GALNTL6: variants seen among roughly 807,000 people sequenced by gnomAD.
The protein encoded by GALNTL6 is polypeptide N-acetylgalactosaminyltransferase like 6, also known as polypeptide N-acetylgalactosaminyltransferase-like 6.
A neutral mutation model predicts 73.7 loss-of-function variants in GALNTL6; 46 were observed. The ratio of observed to expected loss-of-function variants is 0.62; its 90% CI spans 0.49 to 0.80. The LOEUF is 0.80. Among genes scored for constraint, GALNTL6 ranks in the 30% least tolerant of loss-of-function variants. GALNTL6 has a pLI of 0.00. For missense variants in GALNTL6, 604 were observed against 755.0 expected (o/e 0.80, Z 2.34); for synonymous variants, 259 against 263.7 (o/e 0.98, Z 0.17).
At chr4:172,185,328 A>G (rs773254537) in intron 2 of GALNTL6, among the ~76,000 whole-genome samples, 8 of 152,194 alleles carry the variant, frequency 5.3e-5, no homozygotes, top group Non-Finnish European at 1.2e-4. Flanking sequence ...TCCAAAAAGG[A>G]TATTATTTCC....
intron 2 of GALNTL6, among the ~76,000 whole-genome samples, chr4:172,164,625 C>T (rs1488974062): frequency 6.6e-6 from 1 of 151,910 alleles, no homozygotes; most frequent in South Asian, 2.1e-4. Context: ...GATTTTTTCT[C>T]GTTTGATCCT....
chr4:172,500,239 A>G (rs932098622), intron 5 of GALNTL6, among the ~76,000 whole-genome samples: 1 of 152,072 alleles, frequency 6.6e-6, no homozygotes, highest in Non-Finnish European at 1.5e-5. Context: ...TGAGCAACAT[A>G]ATGAGACCTT....
intron 2 of GALNTL6, among the ~76,000 whole-genome samples, chr4:171,943,846 G>T (rs987804667): frequency 6.6e-6 from 1 of 151,960 alleles, no homozygotes; most frequent in Admixed American, 6.6e-5. Flanking sequence ...CTACGGGTAG[G>T]CTTTTTTTAA....
intron 9 of GALNTL6, among the ~76,000 whole-genome samples, chr4:172,936,162 A>G (rs1038418584): frequency 2.0e-5 from 3 of 152,252 alleles, no homozygotes; most frequent in Non-Finnish European, 4.4e-5. Context: ...TCACATAAGC[A>G]GAACCAACGA....
intron 5 of GALNTL6, among the ~76,000 whole-genome samples, chr4:172,748,174 T>A (rs1269003843): frequency 3.3e-5 from 5 of 152,140 alleles, no homozygotes; most frequent in Non-Finnish European, 5.9e-5. Context: ...AAAAAACAAG[T>A]AAGATAATTA....
At chr4:171,991,271 G>T (rs965354402) in intron 2 of GALNTL6, among the ~76,000 whole-genome samples, 1 of 152,074 alleles carries the variant, frequency 6.6e-6, no homozygotes, top group African/African-American at 2.4e-5. Flanking sequence ...TTAAGGTGAG[G>T]TATGAATAGG....
rs1249726961 is a variant in GALNTL6 at position 171,889,251 on chromosome 4, C to A, written c.138+74533C>A. Among the ~76,000 whole-genome samples the A allele has an allele frequency of 3.3e-5, 5 of 151,908 alleles. No individual in the cohort carries two copies. The South Asian group carries it at 8.3e-4, about 25-fold the overall frequency. On this transcript the variant is annotated intron_variant, in intron 2 of 12. Coordinates refer to ENST00000506823, the MANE Select transcript of GALNTL6 (RefSeq NM_001034845.3). ...TCTGTTCAATAAAATAATTTGAAGTCAGGAAAATATTTAACATCGTCAAGT... is the reference window on the plus strand; with the variant it reads ...TCTGTTCAATAAAATAATTTGAAGTAAGGAAAATATTTAACATCGTCAAGT...
At chr4:172,332,511 C>T (rs1578963542) in intron 4 of GALNTL6, among the ~76,000 whole-genome samples, 1 of 139,832 alleles carries the variant, frequency 7.2e-6, no homozygotes, top group Non-Finnish European at 1.6e-5. Context: ...CTCTCTATTT[C>T]CATCCGATCA....
At chr4:172,235,303 G>A (rs1560983046) in intron 3 of GALNTL6, among the ~76,000 whole-genome samples, 1 of 152,012 alleles carries the variant, frequency 6.6e-6, no homozygotes. Flanking sequence ...CACCTGCCGG[G>A]TTCAGGCGAT....
At chr4:172,716,170 G>A (rs186701838) in intron 5 of GALNTL6, among the ~76,000 whole-genome samples, 369 of 152,186 alleles carry the variant, frequency 2.4e-3, no homozygotes, top group Non-Finnish European at 4.0e-3. Context: ...AGTCTATAGC[G>A]GCTAGAGAAT....
intron 2 of GALNTL6, among the ~76,000 whole-genome samples, chr4:172,071,332 T>C (rs2110902328): frequency 9.1e-6 from 1 of 110,382 alleles, no homozygotes; most frequent in South Asian, 2.7e-4. Flanking sequence ...ACCAGCATTT[T>C]TCTTTGCTGT....
chr4:171,839,660 G>A (rs554352765), intron 2 of GALNTL6, among the ~76,000 whole-genome samples: 1 of 148,628 alleles, frequency 6.7e-6, no homozygotes, highest in East Asian at 2.0e-4. Flanking sequence ...AGCAATCAAG[G>A]GAATAACAGG....
chr4:172,013,425 C>G (rs1423538466), intron 2 of GALNTL6, among the ~76,000 whole-genome samples: 1 of 152,026 alleles, frequency 6.6e-6, no homozygotes, highest in African/African-American at 2.4e-5. Context: ...TCTTTCTGTG[C>G]CTGGCTTATT....
At chr4:171,988,376 A>G (rs923737173) in intron 2 of GALNTL6, among the ~76,000 whole-genome samples, 9 of 152,316 alleles carry the variant, frequency 5.9e-5, no homozygotes, top group East Asian at 1.9e-4. Context: ...GACTGAAGTA[A>G]TAGGGGCTGT....
chr4:172,278,006 ACT>A, intron 3 of GALNTL6, among the ~76,000 whole-genome samples: 1 of 152,228 alleles, frequency 6.6e-6, no homozygotes, highest in South Asian at 2.1e-4. Context: ...CAGAGGTAAC[ACT>A]CTTACCTCTT....
intron 7 of GALNTL6, among the ~76,000 whole-genome samples, chr4:172,863,836 T>A (rs986731470): frequency 6.6e-6 from 1 of 152,154 alleles, no homozygotes; most frequent in Non-Finnish European, 1.5e-5. Flanking sequence ...AATTATATGG[T>A]TTGGCTGTGT....
intron 9 of GALNTL6, among the ~76,000 whole-genome samples, chr4:172,937,997 A>C (rs1221389463): frequency 6.6e-6 from 1 of 152,200 alleles, no homozygotes; most frequent in Non-Finnish European, 1.5e-5. Flanking sequence ...ATCTACATAC[A>C]AGTTACAAAT....
intron 10 of GALNTL6, among the ~76,000 whole-genome samples, chr4:173,001,216 T>A (rs574957404): frequency 6.6e-5 from 10 of 152,302 alleles, no homozygotes; most frequent in Non-Finnish European, 1.3e-4. Context: ...AACACCTTGA[T>A]CTTGGTCTTT....
At chr4:172,224,358 C>T (rs1191006916) in intron 2 of GALNTL6, among the ~76,000 whole-genome samples, 1 of 152,058 alleles carries the variant, frequency 6.6e-6, no homozygotes, top group Non-Finnish European at 1.5e-5. Flanking sequence ...GCCTTTGAAT[C>T]CAGAGTTTTT....
Sources: gnomAD v4.1 joint callset for allele counts (sites outside exome capture counted in the v4.1 genomes callset) on GRCh38, gnomAD v4.1.1 for gene constraint, MANE v1.5 for transcripts, NCBI Gene and HGNC (gene_info 2026-07-23, HGNC 2026-07-21) for gene names.